The following P4HA2 variants were observed in gnomAD, a reference collection of about 807,000 sequenced individuals.
P4HA2 encodes the protein prolyl 4-hydroxylase subunit alpha-2.
Under a neutral mutation model 76.9 loss-of-function variants are expected in P4HA2, and 46 were observed. That is an observed-to-expected ratio of 0.60 (90% CI 0.47 to 0.76). The LOEUF (loss-of-function observed/expected upper bound fraction) is 0.76, where lower values mean the gene tolerates loss of function less well. P4HA2 is among the 30% of genes least tolerant of loss of function. The pLI, the probability that P4HA2 is intolerant of heterozygous loss-of-function variation, is 0.00. For synonymous variants in P4HA2, 243 were observed against 254.0 expected (o/e 0.96, Z 0.41); for missense variants, 583 against 669.4 (o/e 0.87, Z 1.42).
intron 10 of P4HA2, among the ~76,000 whole-genome samples, chr5:132,203,110 C>G (rs1751741153): frequency 6.6e-6 from 1 of 152,266 alleles, no homozygotes; most frequent in Non-Finnish European, 1.5e-5. Context: ...ACTCCACACT[C>G]TGACTCCCTC....
chr5:132,212,112 A>G (rs867327818), intron 5 of P4HA2, among the ~76,000 whole-genome samples: 10 of 152,176 alleles, frequency 6.6e-5, no homozygotes, highest in African/African-American at 2.4e-4. Flanking sequence ...ACATGGGTAA[A>G]GGTATTCCTA....
chr5:132,214,938 G>A (rs1384096244), intron 4 of P4HA2, among the ~76,000 whole-genome samples: 1 of 152,176 alleles, frequency 6.6e-6, no homozygotes, highest in African/African-American at 2.4e-5. Context: ...ACAATCCCAG[G>A]TGGGAGCCAA....
At chr5:132,209,700 G>A (rs776814739) in intron 6 of P4HA2, among the ~76,000 whole-genome samples, 5 of 151,638 alleles carry the variant, frequency 3.3e-5, no homozygotes, top group Admixed American at 2.0e-4. Flanking sequence ...TCATCAACCC[G>A]GGAGGCGGAG....
At chr5:132,216,333 C>A (rs1043148385) in intron 4 of P4HA2, among the ~76,000 whole-genome samples, 1 of 152,066 alleles carries the variant, frequency 6.6e-6, no homozygotes, top group Non-Finnish European at 1.5e-5. Flanking sequence ...TAGTTTAAAG[C>A]TTTTAAAAAG....
chr5:132,217,473 A>G (rs1360001219), intron 3 of P4HA2, 125 bp from the exon 4 acceptor site: 1 of 856,474 alleles, frequency 1.2e-6, no homozygotes, highest in Non-Finnish European at 1.9e-6. Flanking sequence ...GAGGCAATGA[A>G]AAATGAATAC....
chr5:132,218,000 G>A (rs1281427768), intron 2 of P4HA2, 152 bp from the exon 3 acceptor site: 1 of 561,244 alleles, frequency 1.8e-6, no homozygotes, highest in Admixed American at 3.3e-5. Context: ...AGTTAAAGGG[G>A]GCCTAGGCAC....
chr5:132,197,608 CAAAAA>C (rs555319735), intron 12 of P4HA2, among the ~76,000 whole-genome samples: 1 of 55,190 alleles, frequency 1.8e-5, no homozygotes, highest in East Asian at 5.2e-4. Flanking sequence ...ACTCCATCTC[CAAAAA>C]AAAAAAAAAA....
At chr5:132,206,913 T>C (rs1752277562) in intron 8 of P4HA2, among the ~76,000 whole-genome samples, 1 of 152,202 alleles carries the variant, frequency 6.6e-6, no homozygotes, top group South Asian at 2.1e-4. Context: ...AATAAGTAAA[T>C]TCAACCACTA....
At chr5:132,197,382 C>T (rs898081531) in intron 12 of P4HA2, among the ~76,000 whole-genome samples, 5 of 151,984 alleles carry the variant, frequency 3.3e-5, no homozygotes, top group African/African-American at 9.7e-5. Context: ...CCGAGGGGGG[C>T]GGATCACCTG....
At chr5:132,216,941 CA>C (rs1011999160) in intron 4 of P4HA2, among the ~76,000 whole-genome samples, 13 of 151,794 alleles carry the variant, frequency 8.6e-5, no homozygotes, top group Non-Finnish European at 1.6e-4. Context: ...ATGTCATTAG[CA>C]AAAAATAAGA....
chr5:132,210,273 A>T lies in P4HA2; in HGVS notation c.709+11T>A. ...CCATTCCCATCTTACCTTCCCCTAG[A>T]ATCTCCTTACCAAGGGAGAGCAGGC... is the stretch of plus-strand genomic sequence containing the variant. On this transcript the variant is annotated intron_variant, in intron 6 of 14. Coordinates refer to ENST00000360568, the MANE Select transcript of P4HA2 (RefSeq NM_001017974.2). 6.2e-7 allele frequency: 1 copy of T among 1,613,866 alleles called. No homozygotes were observed. Among genetic ancestry groups the T allele is most frequent in the South Asian group, 1.1e-5 (1 of 91,070 alleles).
chr5:132,205,093 G>A (rs1466222593), intron 8 of P4HA2, among the ~76,000 whole-genome samples: 2 of 152,228 alleles, frequency 1.3e-5, no homozygotes, highest in African/African-American at 4.8e-5. Flanking sequence ...ACTGAGACAT[G>A]GCCCCTGCAC....
chr5:132,225,476 C>T (rs1366389039), intron 1 of P4HA2, among the ~76,000 whole-genome samples: 2 of 152,188 alleles, frequency 1.3e-5, no homozygotes, highest in Non-Finnish European at 2.9e-5. Flanking sequence ...ACCCTAGATT[C>T]CCTCAACCGA....
intron 12 of P4HA2, among the ~76,000 whole-genome samples, chr5:132,196,711 A>C (rs1012238120): frequency 1.2e-4 from 18 of 151,810 alleles, no homozygotes; most frequent in African/African-American, 4.4e-4. Flanking sequence ...AAATACAAAA[A>C]TTAGCTGGGC....
At position 132,213,871 on chromosome 5, in the gene P4HA2, A is replaced by G. The variant is rs887715774; in HGVS notation, c.469+45T>C. ...GGTGGCTCCAACCTGTCCCGCCACT[A>G]AAGAGACACATGCGGGACAGGCAAC... On this transcript the variant is annotated intron_variant, in intron 5 of 14. Coordinates refer to ENST00000360568, the MANE Select transcript of P4HA2 (RefSeq NM_001017974.2). 8.1e-6 allele frequency: 13 copies of G among 1,601,748 alleles called. No individual in the cohort carries two copies. In the Admixed American group the frequency reaches 1.9e-4, roughly 23 times the overall value.
chr5:132,203,542 C>G (rs1285745347), intron 10 of P4HA2: 1 of 570,808 alleles, frequency 1.8e-6, no homozygotes, highest in Non-Finnish European at 3.2e-6. Flanking sequence ...ACAGCAGATG[C>G]TCAATAGATA....
At chr5:132,203,482 G>A (rs1751786446) in intron 10 of P4HA2, 1 of 456,336 alleles carries the variant, frequency 2.2e-6, no homozygotes. Flanking sequence ...AGACATGAAC[G>A]AACCTACCAT....
At chr5:132,195,223 C>T (rs1053342453) in intron 13 of P4HA2, 189 bp downstream of exon 13, 20 of 638,584 alleles carry the variant, frequency 3.1e-5, no homozygotes, top group African/African-American at 1.8e-4. Flanking sequence ...GGAACTCACC[C>T]GCCCCTGAAG....
At chr5:132,206,051 A>G (rs189529323) in intron 8 of P4HA2, among the ~76,000 whole-genome samples, 2 of 152,184 alleles carry the variant, frequency 1.3e-5, no homozygotes, top group African/African-American at 4.8e-5. Context: ...CTTTGAATAG[A>G]AGCCATGTTA....
Sources: allele counts gnomAD v4.1 joint callset (sites outside exome capture counted in the v4.1 genomes callset), GRCh38; gene constraint gnomAD v4.1.1; transcripts MANE v1.5; gene names NCBI Gene and HGNC (gene_info 2026-07-23, HGNC 2026-07-21).